The following SYTL1 variants were observed in gnomAD, a reference collection of about 807,000 sequenced individuals.
The protein encoded by SYTL1 is synaptotagmin like 1, also known as synaptotagmin-like protein 1.
A neutral mutation model predicts 74.6 loss-of-function variants in SYTL1; 53 were observed. That is an observed-to-expected ratio of 0.71 (90% CI 0.57 to 0.89). The LOEUF (loss-of-function observed/expected upper bound fraction) is 0.89, where lower values mean the gene tolerates loss of function less well. Ranked by LOEUF, SYTL1 falls within the 40% of genes least tolerant of loss-of-function variation. The probability of loss-of-function intolerance (pLI) is 0.00; values close to 1 mark genes in which losing one functional copy is unlikely to be tolerated. For missense variants in SYTL1, 728 were observed against 768.7 expected (o/e 0.95, Z 0.63); for synonymous variants, 329 against 324.9 (o/e 1.01, Z -0.14).
At position 27,348,827 on chromosome 1, in the gene SYTL1, G is replaced by A. The variant is rs1384528938; in HGVS notation, c.460-253G>A. 6.6e-6 allele frequency among the ~76,000 whole-genome samples: 1 copy of A among 152,230 alleles called. No homozygotes were observed. The highest frequency in any genetic ancestry group is 1.5e-5 in the Non-Finnish European group (1 of 68,046). On this transcript the variant is annotated intron_variant, in intron 5 of 14. Transcript: ENST00000616558. The surrounding 1 kb of genome is among the most constrained non-coding windows in gnomAD (Gnocchi z 4.1). ...GGAATGGGACTGGCCTGGCCTGGCA[G>A]AGGTGGAGGACTCAGGTACGAATGA... is the stretch of plus-strand genomic sequence containing the variant.
rs1311207474 is a variant in SYTL1, at chr1:27,350,209, C to T, written c.908+77C>T. 4.1e-6 allele frequency: 6 copies of T among 1,481,004 alleles called. No homozygotes were observed. The highest frequency in any genetic ancestry group is 4.3e-5 in the Admixed American group (2 of 46,452). 91.7% of individuals were successfully genotyped at this position (1,481,004 alleles called of 1,614,324 possible). Reference sequence around the variant, plus strand: ...ATTCACAGGGTCTCGGCCTCCTCGTCCTCATCTTCAAAATGGGAACAACAG... The same window carrying T: ...ATTCACAGGGTCTCGGCCTCCTCGTTCTCATCTTCAAAATGGGAACAACAG... On this transcript the variant is annotated intron_variant, in intron 9 of 14. Transcript: ENST00000616558. This position sits in a 1 kb window ranked among gnomAD's most constrained non-coding sequence, Gnocchi z 6.3.
Position 27,347,909 on chromosome 1 carries a change from T to C in SYTL1, c.413+29T>C, listed in dbSNP as rs2148032325. The C allele has an allele frequency of 6.2e-7, 1 of 1,613,928 alleles. No homozygotes were observed. Among genetic ancestry groups the C allele is most frequent in the African/African-American group, 1.3e-5 (1 of 75,026 alleles). Reference sequence around the variant, plus strand: ...AGGAGGAGTCTCAGGAAGGGGGAGATGGTGCCCACCAGTCACCAGGGTCCC... The same window carrying C: ...AGGAGGAGTCTCAGGAAGGGGGAGACGGTGCCCACCAGTCACCAGGGTCCC... On this transcript the variant is annotated intron_variant, in intron 4 of 14. Coordinates refer to ENST00000616558, the MANE Select transcript of SYTL1 (RefSeq NM_001193308.2). This position sits in a 1 kb window ranked among gnomAD's most constrained non-coding sequence, Gnocchi z 4.9.
chr1:27,351,201 C>T lies in SYTL1; in HGVS notation c.1165-57C>T. 6.5e-7 allele frequency: 1 copy of T among 1,536,694 alleles called. No individual in the cohort carries two copies. The highest frequency in any genetic ancestry group is 8.8e-7 in the Non-Finnish European group (1 of 1,137,776). Reference sequence around the variant, plus strand: ...ACCCCATCCGGGTCTGCAGACCCCACCCTCCTGAGGCCCCTTTCCATTAGC... The same window carrying T: ...ACCCCATCCGGGTCTGCAGACCCCATCCTCCTGAGGCCCCTTTCCATTAGC... On this transcript the variant is annotated intron_variant, in intron 11 of 14. Transcript: ENST00000616558. This position sits in a 1 kb window ranked among gnomAD's most constrained non-coding sequence, Gnocchi z 5.0.
Position 27,353,727 on chromosome 1 carries a change from C to T in SYTL1, c.1564C>T (p.Leu522=), listed in dbSNP as rs1239907124. Residue 522 remains leucine, a synonymous_variant, in exon 15 of 15, where the codon CTG becomes TTG. Transcript: ENST00000616558. ...CCCACATCCAGGCAGCAGCTATGGG[C>T]TGCAGGTGCCCTGGATGGATTCCAC... ...LSLGTGSSYG[L]QVPWMDSTPE... is the part of the protein sequence containing the mutation. 6.2e-7 allele frequency: 1 copy of T among 1,613,708 alleles called. No individual in the cohort carries two copies. Among genetic ancestry groups the T allele is most frequent in the East Asian group, 2.2e-5 (1 of 44,888 alleles).
rs2015249734 is a variant in SYTL1 at position 27,351,060 on chromosome 1, CT to C, written c.1164+109del. ...CACCCCGCCTTCGACAGAACCTCCC[CT>C]CAACCTCTTAACCTCATGGCCCCAG... On this transcript the variant is annotated intron_variant, in intron 11 of 14. Transcript: ENST00000616558. This position sits in a 1 kb window ranked among gnomAD's most constrained non-coding sequence, Gnocchi z 5.0. 7.1e-7 allele frequency: 1 copy of C among 1,416,948 alleles called. No homozygotes were observed. Among genetic ancestry groups the C allele is most frequent in the Admixed American group, 2.0e-5 (1 of 49,550 alleles). 87.8% of individuals were successfully genotyped at this position (1,416,948 alleles called of 1,614,324 possible). A position where few individuals can be genotyped will look rare whatever the true frequency, so the allele number is the denominator to read the frequency against.
Position 27,348,345 on chromosome 1 carries a change from G to A in SYTL1, c.459+333G>A, listed in dbSNP as rs1350638988. Among the ~76,000 whole-genome samples the A allele has an allele frequency of 6.6e-6, 1 of 152,032 alleles. No homozygotes were observed. Among genetic ancestry groups the A allele is most frequent in the African/African-American group, 2.4e-5 (1 of 41,368 alleles). ...CCAGCATTTTGGGAGGCTGATGTGG[G>A]AGGATCGCTTGAGCCGAGGAGTTCA... On this transcript the variant is annotated intron_variant, in intron 5 of 14. Transcript: ENST00000616558. This position sits in a 1 kb window ranked among gnomAD's most constrained non-coding sequence, Gnocchi z 4.1.
chr1:27,349,534 C>A, intron 7 of SYTL1, 36 bp downstream of exon 7: 1 of 1,384,910 alleles, frequency 7.2e-7, no homozygotes, highest in Non-Finnish European at 9.5e-7. Context: ...TCTCAACATC[C>A]GGAGCGGACT....
At position 27,353,860 on chromosome 1, in the gene SYTL1, A is replaced by C. The variant is rs769656041; in HGVS notation, c.*8A>C. On this transcript the variant is annotated 3_prime_UTR_variant, in exon 15 of 15. Coordinates refer to ENST00000616558, the MANE Select transcript of SYTL1 (RefSeq NM_001193308.2). ...CTGGCCCCCAGGACGTAGCCCCACC[A>C]AGCCTCTCTCTCTGGACCCCCATCT... 4.3e-6 allele frequency: 7 copies of C among 1,611,044 alleles called. No homozygotes were observed. Among genetic ancestry groups the C allele is most frequent in the Non-Finnish European group, 5.9e-6 (7 of 1,177,798 alleles).
chr1:27,349,498 G>C lies in SYTL1; in HGVS notation c.633G>C (p.Gln211His). The C allele has an allele frequency of 6.9e-7, 1 of 1,454,380 alleles. No homozygotes were observed. Among genetic ancestry groups the C allele is most frequent in the Non-Finnish European group, 9.1e-7 (1 of 1,103,000 alleles). The allele number at this position is 1,454,380 out of a possible 1,614,324, so 90.1% of individuals were successfully genotyped here. ...AGGAGCCGCGGCCCCAGCAAGCCCA[G>C]GTAGGCGGGAGTGGCCCGTGGCTGC... is the stretch of plus-strand genomic sequence containing the variant. ...GEQEPRPQQA[Q>H]TKAASQILEN... is the part of the protein sequence containing the mutation. The change falls in exon 7 of 15, where the codon CAG (glutamine) becomes CAC (histidine). Residue 211 changes from glutamine (Q) to histidine (H), a missense_variant and splice_region_variant. Transcript: ENST00000616558.
chr1:27,353,712 G>A lies in SYTL1; in HGVS notation c.1550-1G>A. 6.2e-7 allele frequency: 1 copy of A among 1,612,114 alleles called. No homozygotes were observed. The highest frequency in any genetic ancestry group is 8.5e-7 in the Non-Finnish European group (1 of 1,178,816). ...CTCAACCCCTGCCCACCCACATCCA[G>A]GCAGCAGCTATGGGCTGCAGGTGCC... On this transcript the variant is annotated splice_acceptor_variant, in intron 14 of 14. Transcript: ENST00000616558. LOFTEE classifies it high-confidence loss of function.
chr1:27,351,406 G>A lies in SYTL1; in HGVS notation c.1244-50G>A, dbSNP rs2015269909. 4 of 1,505,510 alleles carry A rather than the reference G, an allele frequency of 2.7e-6. No homozygotes were observed. The highest frequency in any genetic ancestry group is 3.6e-6 in the Non-Finnish European group (4 of 1,121,842). 93.3% of individuals were successfully genotyped at this position (1,505,510 alleles called of 1,614,324 possible). A position where few individuals can be genotyped will look rare whatever the true frequency, so the allele number is the denominator to read the frequency against. On this transcript the variant is annotated intron_variant, in intron 12 of 14. Transcript: ENST00000616558. This position sits in a 1 kb window ranked among gnomAD's most constrained non-coding sequence, Gnocchi z 5.0. Reference sequence around the variant, plus strand: ...CGGGAGACTCCAGTCCCCGGGTTTGGGGGCGGTGGACTCCATCCGTGTGCG... The same window carrying A: ...CGGGAGACTCCAGTCCCCGGGTTTGAGGGCGGTGGACTCCATCCGTGTGCG...
chr1:27,345,465 C>T lies in SYTL1; in HGVS notation c.131C>T (p.Ala44Val). Residue 44 changes from alanine (A) to valine (V), a missense_variant, in exon 2 of 15, where the codon GCC becomes GTC. Coordinates refer to ENST00000616558, the MANE Select transcript of SYTL1 (RefSeq NM_001193308.2). This position sits in a 1 kb window ranked among gnomAD's most constrained non-coding sequence, Gnocchi z 6.0. ...TTCCTGACAGAGGAGGAGCAGGAGG[C>T]CATTGCTGGCGTCCTCCAACGAGAT... ...LSFLTEEEQE[A>V]IAGVLQRDAR... 2.6e-6 allele frequency: 4 copies of T among 1,560,994 alleles called. No homozygotes were observed. The highest frequency in any genetic ancestry group is 3.4e-4 in the Middle Eastern group (2 of 5,942).
Position 27,350,177 on chromosome 1 carries a change from G to C in SYTL1, c.908+45G>C. On this transcript the variant is annotated intron_variant, in intron 9 of 14. Coordinates refer to ENST00000616558, the MANE Select transcript of SYTL1 (RefSeq NM_001193308.2). The surrounding 1 kb of genome is among the most constrained non-coding windows in gnomAD (Gnocchi z 6.3). ...AGCGGGGCGCGGCTGTCACAGCCCA[G>C]CCCACCATTCACAGGGTCTCGGCCT... 1 of 1,451,536 alleles carries C rather than the reference G, an allele frequency of 6.9e-7. No homozygotes were observed. Among genetic ancestry groups the C allele is most frequent in the South Asian group, 1.5e-5 (1 of 68,552 alleles). 89.9% of individuals were successfully genotyped at this position (1,451,536 alleles called of 1,614,324 possible).
In SYTL1 at chr1:27,350,570, A is replaced by T. The variant is rs2015223284; in HGVS notation, c.1005+85A>T. 1 of 1,240,078 alleles carries T rather than the reference A, an allele frequency of 8.1e-7. No individual in the cohort carries two copies. Among genetic ancestry groups the T allele is most frequent in the Non-Finnish European group, 1.2e-6 (1 of 867,126 alleles). The allele number at this position is 1,240,078 out of a possible 1,614,324, so 76.8% of individuals were successfully genotyped here. A position where few individuals can be genotyped will look rare whatever the true frequency, so the allele number is the denominator to read the frequency against. On this transcript the variant is annotated intron_variant, in intron 10 of 14. Coordinates refer to ENST00000616558, the MANE Select transcript of SYTL1 (RefSeq NM_001193308.2). This position sits in a 1 kb window ranked among gnomAD's most constrained non-coding sequence, Gnocchi z 6.3. ...GGCTAGGTGGCAAGGGCAGCCAGTA[A>T]CGTCATTGCCCGGAGGATCGGCGGA...
rs892594843 is a variant in SYTL1 at position 27,342,786 on chromosome 1, C to A, written c.-39+636C>A. 6.6e-6 allele frequency among the ~76,000 whole-genome samples: 1 copy of A among 152,152 alleles called. No homozygotes were observed. The highest frequency in any genetic ancestry group is 2.4e-5 in the African/African-American group (1 of 41,380). ...CAGACATGCCCACCAGACTCGGACC[C>A]ACACAGCCACACAACAGGGCACAGA... On this transcript the variant is annotated intron_variant, in intron 1 of 14. Coordinates refer to ENST00000616558, the MANE Select transcript of SYTL1 (RefSeq NM_001193308.2). The surrounding 1 kb of genome is among the most constrained non-coding windows in gnomAD (Gnocchi z 4.7).
Position 27,349,976 on chromosome 1 carries a change from G to A in SYTL1, c.752G>A (p.Ser251Asn). Reference protein sequence around the residue: ...SVSSLNSSTLSGSQMSLSGDA... With the variant: ...SVSSLNSSTLNGSQMSLSGDA... ...CCCACCCACTCCCGTCCGCAGCTGA[G>A]CGGCAGCCAGATGAGCCTGTCAGGC... Residue 251 changes from serine (S) to asparagine (N), a missense_variant, in exon 9 of 15, where the codon AGC becomes AAC. Physicochemically the swap from Ser to Asn is conservative, Grantham distance 46. Coordinates refer to ENST00000616558, the MANE Select transcript of SYTL1 (RefSeq NM_001193308.2). The A allele has an allele frequency of 6.4e-7, 1 of 1,572,970 alleles. No individual in the cohort carries two copies. The highest frequency in any genetic ancestry group is 8.6e-7 in the Non-Finnish European group (1 of 1,168,524).
In SYTL1 at chr1:27,350,864, G is replaced by A; in HGVS notation, c.1076G>A (p.Gly359Asp). The change falls in exon 11 of 15, where the codon GGT becomes GAT. Residue 359 changes from glycine (G) to aspartate (D), a missense_variant. By Grantham distance (94) the Gly-to-Asp change is moderately conservative. Transcript: ENST00000616558. The surrounding 1 kb of genome is among the most constrained non-coding windows in gnomAD (Gnocchi z 6.3). ...TCTGTGTGGCACCGCGAAAGCCTGGGTCGCAACATCTTTCTGGGCGAAGTT... is the reference window on the plus strand; with the variant it reads ...TCTGTGTGGCACCGCGAAAGCCTGGATCGCAACATCTTTCTGGGCGAAGTT... ...SLSVWHRESL[G>D]RNIFLGEVEV... The A allele has an allele frequency of 6.2e-7, 1 of 1,613,870 alleles. No individual in the cohort carries two copies. The highest frequency in any genetic ancestry group is 8.5e-7 in the Non-Finnish European group (1 of 1,180,014).
Position 27,342,780 on chromosome 1 carries a change from C to T in SYTL1, c.-39+630C>T, listed in dbSNP as rs1161544148. 6.6e-6 allele frequency among the ~76,000 whole-genome samples: 1 copy of T among 152,158 alleles called. No individual in the cohort carries two copies. Reference sequence around the variant, plus strand: ...GCAACGCAGACATGCCCACCAGACTCGGACCCACACAGCCACACAACAGGG... The same window carrying T: ...GCAACGCAGACATGCCCACCAGACTTGGACCCACACAGCCACACAACAGGG... On this transcript the variant is annotated intron_variant, in intron 1 of 14. Transcript: ENST00000616558. This position sits in a 1 kb window ranked among gnomAD's most constrained non-coding sequence, Gnocchi z 4.7.
In SYTL1 at chr1:27,351,471, C is replaced by G; in HGVS notation, c.1259C>G (p.Pro420Arg). ...CTCTCCGCAGGCGCAGGACTGCCCC[C>G]GAGCGGGGAGCTGCACTTCTGGGTG... The part of the protein sequence containing the change: ...PAGSEGAGLP[P>R]SGELHFWVKE... The change falls in exon 13 of 15, where the codon CCG (proline) becomes CGG (arginine). Residue 420 changes from proline (P) to arginine (R), a missense_variant. By Grantham distance (103) the Pro-to-Arg change is moderately radical. Transcript: ENST00000616558. This position sits in a 1 kb window ranked among gnomAD's most constrained non-coding sequence, Gnocchi z 5.0. 1 of 1,543,386 alleles carries G rather than the reference C, an allele frequency of 6.5e-7. No homozygotes were observed. Among genetic ancestry groups the G allele is most frequent in the Non-Finnish European group, 8.7e-7 (1 of 1,143,534 alleles).
Sources: gnomAD v4.1 joint callset for allele counts (sites outside exome capture counted in the v4.1 genomes callset) on GRCh38, gnomAD v4.1.1 for gene constraint, Gnocchi (gnomAD v3.1) non-coding constraint, MANE v1.5 for transcripts, NCBI Gene and HGNC (gene_info 2026-07-23, HGNC 2026-07-21) for gene names.